ZNF236: variants seen among roughly 807,000 people sequenced by gnomAD.
The protein encoded by ZNF236 is regulated by glucose.
A neutral mutation model predicts 191.2 loss-of-function variants in ZNF236; 50 were observed. The observed-to-expected ratio is 0.26, with a 90% CI of 0.21 to 0.33. The LOEUF (loss-of-function observed/expected upper bound fraction) is 0.33, where lower values mean the gene tolerates loss of function less well. Ranked by LOEUF, ZNF236 falls within the 10% of genes least tolerant of loss-of-function variation. The probability of loss-of-function intolerance (pLI) is 1.00; values close to 1 mark genes in which losing one functional copy is unlikely to be tolerated. For missense variants in ZNF236, 1,754 were observed against 2,374.5 expected (o/e 0.74, Z 5.43); for synonymous variants, 907 against 928.8 (o/e 0.98, Z 0.43).
chr18:76,882,061 C>T (rs1016144889), intron 9 of ZNF236, among the ~76,000 whole-genome samples: 7 of 152,166 alleles, frequency 4.6e-5, no homozygotes, highest in Non-Finnish European at 4.4e-5. Flanking sequence ...CATTTCCATC[C>T]GCCCTCCCTC....
At position 76,851,866 on chromosome 18, in the gene ZNF236, G is replaced by A; in HGVS notation, c.290G>A (p.Cys97Tyr). ...KCTHSGEDPT[C>Y]PVCNKKFSRV... ...ACCCACAGCGGGGAAGATCCTACCT[G>A]CCCTGTGTGTAACAAGAAATTCTCC... The change falls in exon 3 of 31, where the codon TGC (cysteine) becomes TAC (tyrosine). Residue 97 changes from cysteine to tyrosine, a missense_variant. By Grantham distance (194) the Cys-to-Tyr change is radical (BLOSUM62 -2). Around this residue, in one of 5 missense-constraint regions of ZNF236, gnomAD observed 336 missense variants for 495.1 expected, o/e 0.68. Transcript: ENST00000320610. 6.2e-7 allele frequency: 1 copy of A among 1,613,968 alleles called. No homozygotes were observed. Among genetic ancestry groups the A allele is most frequent in the Non-Finnish European group, 8.5e-7 (1 of 1,179,918 alleles).
chr18:76,871,350 G>A (rs1568205149), intron 4 of ZNF236, among the ~76,000 whole-genome samples: 2 of 152,124 alleles, frequency 1.3e-5, no homozygotes. Flanking sequence ...AGAGACTGGA[G>A]GAGGTGGTGT....
At chr18:76,866,929 AG>A (rs758318591) in intron 3 of ZNF236, among the ~76,000 whole-genome samples, 32 of 152,158 alleles carry the variant, frequency 2.1e-4, no homozygotes, top group Non-Finnish European at 3.1e-4. Flanking sequence ...GTGGCCTGGG[AG>A]GTGCTGGATC....
intron 1 of ZNF236, among the ~76,000 whole-genome samples, chr18:76,828,168 CTTTT>C (rs940904936): frequency 7.2e-6 from 1 of 138,870 alleles, no homozygotes. Context: ...TAGGGCTTTA[CTTTT>C]TTTTTTTTTT....
intron 30 of ZNF236, among the ~76,000 whole-genome samples, chr18:76,961,102 T>A (rs1192870496): frequency 6.6e-6 from 1 of 152,148 alleles, no homozygotes; most frequent in African/African-American, 2.4e-5. Flanking sequence ...CGTGCACCCA[T>A]CACCTGAGCA....
intron 30 of ZNF236, among the ~76,000 whole-genome samples, chr18:76,965,373 AT>A (rs1362240395): frequency 1.3e-5 from 2 of 152,096 alleles, no homozygotes; most frequent in Non-Finnish European, 2.9e-5. Flanking sequence ...AACTTCCTGA[AT>A]TCTTTTTCAG....
chr18:76,910,020 A>G, intron 14 of ZNF236, 48 bp from the exon 15 acceptor site: 1 of 1,449,270 alleles, frequency 6.9e-7, no homozygotes, highest in Non-Finnish European at 9.6e-7. Flanking sequence ...GCAGTTGTGA[A>G]ATAACTTCCA....
At position 76,959,866 on chromosome 18, in the gene ZNF236, C is replaced by T. The variant is rs1471080719; in HGVS notation, c.5242+50C>T. 5 of 1,579,202 alleles carry T rather than the reference C, an allele frequency of 3.2e-6. No homozygotes were observed. The African/African-American group carries it at 6.8e-5, about 21-fold the overall frequency. The stretch of plus-strand genomic sequence containing the variant: ...TTTCCTTACTCTTTGAAGTAGACAT[C>T]ATGGGTGAGAAAACATAATTCCACC... On this transcript the variant is annotated intron_variant, in intron 29 of 30. Coordinates refer to ENST00000320610, the MANE Select transcript of ZNF236 (RefSeq NM_001306089.2).
At chr18:76,939,340 A>AAAAC (rs893669821) in intron 26 of ZNF236, among the ~76,000 whole-genome samples, 6 of 152,146 alleles carry the variant, frequency 3.9e-5, no homozygotes, top group Non-Finnish European at 5.9e-5. Context: ...CTCAAAAACA[A>AAAAC]AAACAAACAA....
At chr18:76,906,257 C>T (rs756669831) in intron 13 of ZNF236, among the ~76,000 whole-genome samples, 5 of 152,178 alleles carry the variant, frequency 3.3e-5, no homozygotes, top group Non-Finnish European at 5.9e-5. Context: ...ATTTCAGTAT[C>T]GTTGATTGCT....
At chr18:76,959,537 C>A in intron 28 of ZNF236, 150 bp from the exon 29 acceptor site, 1 of 855,848 alleles carries the variant, frequency 1.2e-6, no homozygotes, top group Non-Finnish European at 1.7e-6. Flanking sequence ...ACTACCGATG[C>A]ATTGAAGTCC....
At chr18:76,903,810 A>G (rs1231593408) in intron 11 of ZNF236, among the ~76,000 whole-genome samples, 1 of 151,760 alleles carries the variant, frequency 6.6e-6, no homozygotes, top group Non-Finnish European at 1.5e-5. Context: ...AAATATTTAA[A>G]TTACTAATTT....
rs1394237600 is a variant in ZNF236, at chr18:76,971,437, C to T, written c.*3098C>T. ...CTCTCCTCTTCCTGACAGTGTTCTG[C>T]TGGTGGGACATGAACATCAGTGCTT... On this transcript the variant is annotated 3_prime_UTR_variant, in exon 31 of 31. Coordinates refer to ENST00000320610, the MANE Select transcript of ZNF236 (RefSeq NM_001306089.2). 6.6e-6 allele frequency among the ~76,000 whole-genome samples: 1 copy of T among 152,216 alleles called. No homozygotes were observed. Among genetic ancestry groups the T allele is most frequent in the African/African-American group, 2.4e-5 (1 of 41,462 alleles).
At chr18:76,826,265 C>CTATGGA (rs1975016173) in intron 1 of ZNF236, among the ~76,000 whole-genome samples, 1 of 151,232 alleles carries the variant, frequency 6.6e-6, no homozygotes, top group Non-Finnish European at 1.5e-5. Context: ...GCGTGAGCCA[C>CTATGGA]CATGGCTAGC....
chr18:76,823,484 C>G (rs1311687132), intron 1 of ZNF236, among the ~76,000 whole-genome samples: 1 of 151,164 alleles, frequency 6.6e-6, no homozygotes, highest in Non-Finnish European at 1.5e-5. Flanking sequence ...TTCTGGAGAG[C>G]GCTGTGGGTC....
At chr18:76,965,842 C>T (rs569528982) in intron 30 of ZNF236, among the ~76,000 whole-genome samples, 21 of 152,294 alleles carry the variant, frequency 1.4e-4, no homozygotes, top group Non-Finnish European at 2.2e-4. Context: ...GTTTAATGCT[C>T]TATTTTTGTG....
At position 76,968,555 on chromosome 18, in the gene ZNF236, A is replaced by G. The variant is rs548350181; in HGVS notation, c.*216A>G. ...CATTGTTCTCTTTTGTCTACAAATC[A>G]CTGAACTCAGGTACTACTGTAGGCA... is the stretch of plus-strand genomic sequence containing the variant. On this transcript the variant is annotated 3_prime_UTR_variant, in exon 31 of 31. Transcript: ENST00000320610. 1,078 of 1,324,150 alleles carry G rather than the reference A, an allele frequency of 8.1e-4. No homozygotes were observed. Among genetic ancestry groups the G allele is most frequent in the Non-Finnish European group, 1.0e-3 (1,041 of 1,043,306 alleles). The allele number at this position is 1,324,150 out of a possible 1,614,324, so 82.0% of individuals were successfully genotyped here.
At chr18:76,868,621 C>T in intron 3 of ZNF236, 64 bp from the exon 4 acceptor site, 5 of 1,382,148 alleles carry the variant, frequency 3.6e-6, no homozygotes, top group Non-Finnish European at 4.9e-6. Flanking sequence ...GTTGATCATA[C>T]CAGTTCTTTG....
chr18:76,913,744 T>C lies in ZNF236; in HGVS notation c.2910-3T>C. 6.2e-7 allele frequency: 1 copy of C among 1,613,936 alleles called. No homozygotes were observed. ...GTCTGAGTTCTGTATGTTTGCTTTG[T>C]AGGTGTGACTATTGCAACAAAGGCT... On this transcript the variant is annotated splice_polypyrimidine_tract_variant and splice_region_variant and intron_variant, in intron 17 of 30. Coordinates refer to ENST00000320610, the MANE Select transcript of ZNF236 (RefSeq NM_001306089.2).
Sources: gnomAD v4.1 joint callset for allele counts (sites outside exome capture counted in the v4.1 genomes callset) on GRCh38, gnomAD v4.1.1 for gene constraint, gnomAD v4.1.1 regional missense constraint, MANE v1.5 for transcripts, NCBI Gene and HGNC (gene_info 2026-07-23, HGNC 2026-07-21) for gene names.